FRMD4A: variants seen among roughly 807,000 people sequenced by gnomAD.
FRMD4A encodes FERM domain-containing protein 4A.
FRMD4A carries 29 observed loss-of-function variants against 129.1 expected under a neutral mutation model. The observed-to-expected ratio is 0.22, with a 90% CI of 0.17 to 0.31. The LOEUF is 0.31. FRMD4A is among the 10% of genes least tolerant of loss of function. FRMD4A has a pLI of 1.00. For missense variants in FRMD4A, 1,272 were observed against 1,375.8 expected, an observed-to-expected ratio of 0.92 and a Z score of 1.19; for synonymous variants, 634 against 571.6, an observed-to-expected ratio of 1.11 and a Z score of -1.56.
chr10:14,234,477 C>T (rs1309310357), intron 2 of FRMD4A, among the ~76,000 whole-genome samples: 2 of 152,178 alleles, frequency 1.3e-5, no homozygotes, highest in Non-Finnish European at 2.9e-5. Context: ...CGAGGGAATT[C>T]TTCTTAGGTA....
intron 24 of FRMD4A, among the ~76,000 whole-genome samples, chr10:13,650,391 C>CATGTGCACATGT (rs2081464229): frequency 6.6e-6 from 1 of 152,080 alleles, no homozygotes. Flanking sequence ...TGTGTCCCTG[C>CATGTGCACATGT]ATGTGCACAT....
At chr10:14,148,807 C>T (rs1176448310) in intron 2 of FRMD4A, among the ~76,000 whole-genome samples, 5 of 151,952 alleles carry the variant, frequency 3.3e-5, no homozygotes, top group Admixed American at 2.6e-4. Context: ...TCTCCTCCAC[C>T]CTGTTTCCAG....
chr10:13,972,029 C>A, intron 2 of FRMD4A: 1 of 1,169,836 alleles, frequency 8.5e-7, no homozygotes, highest in Non-Finnish European at 1.1e-6. Flanking sequence ...AGGCTCTTAA[C>A]TCCCTCCCAA....
At chr10:14,124,201 A>G (rs561027994) in intron 2 of FRMD4A, among the ~76,000 whole-genome samples, 1 of 152,296 alleles carries the variant, frequency 6.6e-6, no homozygotes, top group African/African-American at 2.4e-5. Context: ...AGGAGACACA[A>G]GTTTTAATTC....
At chr10:13,881,082 C>T (rs912605526) in intron 2 of FRMD4A, among the ~76,000 whole-genome samples, 3 of 151,956 alleles carry the variant, frequency 2.0e-5, no homozygotes, top group Non-Finnish European at 4.4e-5. Flanking sequence ...AATACTTCTG[C>T]CATTTGCCAG....
chr10:14,297,395 G>C (rs1846044070), intron 2 of FRMD4A, among the ~76,000 whole-genome samples: 1 of 151,650 alleles, frequency 6.6e-6, no homozygotes, highest in Admixed American at 6.6e-5. Flanking sequence ...AAGGAGGCAG[G>C]CAGACCCAGG....
At chr10:14,197,166 A>G (rs1842495334) in intron 2 of FRMD4A, among the ~76,000 whole-genome samples, 1 of 152,158 alleles carries the variant, frequency 6.6e-6, no homozygotes, top group Non-Finnish European at 1.5e-5. Flanking sequence ...CTGGTACCTC[A>G]GTTGTTCAAT....
At chr10:14,142,358 A>C (rs1398333553) in intron 2 of FRMD4A, among the ~76,000 whole-genome samples, 3 of 152,214 alleles carry the variant, frequency 2.0e-5, no homozygotes, top group Non-Finnish European at 4.4e-5. Flanking sequence ...CAGGCAATTT[A>C]AGCAGAAAAT....
At chr10:13,738,822 T>C (rs1254713945) in intron 11 of FRMD4A, among the ~76,000 whole-genome samples, 2 of 152,154 alleles carry the variant, frequency 1.3e-5, no homozygotes, top group African/African-American at 4.8e-5. Flanking sequence ...GATTTCACCA[T>C]GTTGGCCAGG....
intron 2 of FRMD4A, among the ~76,000 whole-genome samples, chr10:14,285,361 G>C (rs560803208): frequency 1.3e-5 from 2 of 152,350 alleles, no homozygotes; most frequent in East Asian, 3.8e-4. Context: ...CAAGAGAAAA[G>C]ATGCAGGTGA....
intron 24 of FRMD4A, chr10:13,647,897 C>T (rs1041905567): frequency 3.9e-5 from 6 of 152,074 alleles, no homozygotes; most frequent in Non-Finnish European, 7.4e-5. Flanking sequence ...TGAATGAGCC[C>T]TTTGAATTCC....
chr10:14,146,187 G>A (rs74122383), intron 2 of FRMD4A, among the ~76,000 whole-genome samples: 7 of 152,114 alleles, frequency 4.6e-5, no homozygotes, highest in African/African-American at 1.7e-4. Context: ...TACTTAAAAG[G>A]TGGCTCATAG....
At chr10:13,956,752 A>C (rs893721547) in intron 2 of FRMD4A, among the ~76,000 whole-genome samples, 1 of 152,244 alleles carries the variant, frequency 6.6e-6, no homozygotes, top group Non-Finnish European at 1.5e-5. Flanking sequence ...AGTGAGTACT[A>C]AGATTCAAAT....
At chr10:14,062,417 C>G (rs996375598) in intron 2 of FRMD4A, among the ~76,000 whole-genome samples, 2 of 152,124 alleles carry the variant, frequency 1.3e-5, no homozygotes, top group Non-Finnish European at 2.9e-5. Flanking sequence ...AAAGGAAACT[C>G]CCAGAGATAA....
intron 13 of FRMD4A, among the ~76,000 whole-genome samples, chr10:13,703,076 G>A (rs904513433): frequency 1.3e-5 from 2 of 152,112 alleles, no homozygotes; most frequent in East Asian, 3.9e-4. Flanking sequence ...AGCAGTTCTT[G>A]CTCTTGGAAA....
At chr10:14,039,466 C>A (rs1407975079) in intron 2 of FRMD4A, among the ~76,000 whole-genome samples, 11 of 65,700 alleles carry the variant, frequency 1.7e-4, no homozygotes, top group African/African-American at 5.5e-4. Flanking sequence ...ATCTATCTAT[C>A]TATCTATCTA....
intron 2 of FRMD4A, among the ~76,000 whole-genome samples, chr10:14,284,368 G>T (rs2132065304): frequency 6.6e-6 from 1 of 152,276 alleles, no homozygotes; most frequent in South Asian, 2.1e-4. Context: ...GTTGCAGGAG[G>T]CTGGGCGCAG....
chr10:13,810,968 T>G (rs1420423426), intron 3 of FRMD4A, 60 bp from the exon 4 acceptor site: 1 of 809,816 alleles, frequency 1.2e-6, no homozygotes. Context: ...TCCTAAAATA[T>G]GCAATCTCAG....
At chr10:13,846,981 A>G (rs762246953) in intron 3 of FRMD4A, among the ~76,000 whole-genome samples, 11 of 152,334 alleles carry the variant, frequency 7.2e-5, no homozygotes, top group Non-Finnish European at 1.0e-4. Flanking sequence ...ACACTGGGGC[A>G]TGTATTGGAG....
Sources: gnomAD v4.1 joint callset for allele counts (sites outside exome capture counted in the v4.1 genomes callset) on GRCh38, gnomAD v4.1.1 for gene constraint, MANE v1.5 for transcripts, NCBI Gene and HGNC (gene_info 2026-07-23, HGNC 2026-07-21) for gene names.